The following PCLO variants were observed in gnomAD, a reference collection of about 807,000 sequenced individuals.
PCLO encodes the protein piccolo presynaptic cytomatrix protein.
Under a neutral mutation model 427.5 loss-of-function variants are expected in PCLO, and 82 were observed. That is an observed-to-expected ratio of 0.19 (90% confidence interval 0.16 to 0.23). PCLO has a LOEUF of 0.23. Ranked by LOEUF, PCLO falls within the 10% of genes least tolerant of loss-of-function variation. The pLI, the probability that PCLO is intolerant of heterozygous loss-of-function variation, is 1.00. For missense variants in PCLO, 6,239 were observed against 6,115.9 expected, an observed-to-expected ratio of 1.02 and a Z score of -0.67; for synonymous variants, 2,357 against 2,155.4, an observed-to-expected ratio of 1.09 and a Z score of -2.59.
At chr7:83,093,490 A>ATTTTT (rs1339244676) in intron 3 of PCLO, among the ~76,000 whole-genome samples, 25 of 66,000 alleles carry the variant, frequency 3.8e-4, no homozygotes, top group African/African-American at 8.9e-4. Flanking sequence ...ATATATATAT[A>ATTTTT]TATTTTTTTT....
At chr7:83,087,832 A>G (rs945606217) in intron 3 of PCLO, among the ~76,000 whole-genome samples, 2 of 152,216 alleles carry the variant, frequency 1.3e-5, no homozygotes, top group Non-Finnish European at 2.9e-5. Context: ...TAGTTTTGAC[A>G]TAATTCATAG....
intron 1 of PCLO, among the ~76,000 whole-genome samples, chr7:83,156,799 A>AT (rs1464276985): frequency 4.6e-5 from 7 of 152,032 alleles, no homozygotes; most frequent in Non-Finnish European, 7.4e-5. Context: ...CACAGAGTGT[A>AT]TTTTTTTCTT....
intron 24 of PCLO, among the ~76,000 whole-genome samples, chr7:82,758,959 T>G (rs1041714617): frequency 4.9e-4 from 74 of 151,906 alleles, no homozygotes; most frequent in African/African-American, 1.7e-3. Flanking sequence ...AGACACATTC[T>G]GAAGAATGTG....
intron 20 of PCLO, chr7:82,821,245 G>A (rs1209140368): frequency 2.0e-6 from 2 of 987,442 alleles, no homozygotes; most frequent in Non-Finnish European, 2.4e-6. Flanking sequence ...CTGCTATGCT[G>A]TGTCTGTGCT....
chr7:83,016,378 T>C (rs945815779), intron 3 of PCLO, among the ~76,000 whole-genome samples: 7 of 152,134 alleles, frequency 4.6e-5, no homozygotes, highest in African/African-American at 1.7e-4. Context: ...CATGTTAGGG[T>C]TATAACAAAG....
intron 22 of PCLO, among the ~76,000 whole-genome samples, chr7:82,767,793 T>C (rs1435253720): frequency 6.6e-6 from 1 of 152,124 alleles, no homozygotes; most frequent in Non-Finnish European, 1.5e-5. Context: ...GTTGATACAC[T>C]GATATATCCC....
Position 83,105,380 on chromosome 7 carries a change from G to A in PCLO, c.3300+28870C>T, listed in dbSNP as rs376222890. On this transcript the variant is annotated intron_variant, in intron 3 of 24. Coordinates refer to ENST00000333891, the MANE Select transcript of PCLO (RefSeq NM_033026.6). ...TAAGTCAAGTTTATGAAAAGATTTG[G>A]GATCATATCCCTGCGTATTAGCTAT... Among the ~76,000 whole-genome samples the A allele has an allele frequency of 6.6e-4, 100 of 152,158 alleles. 1 individual carries two copies. The Middle Eastern group carries it at 0.031, about 48-fold the overall frequency.
chr7:82,876,910 A>G (rs889105658), intron 10 of PCLO, among the ~76,000 whole-genome samples: 16 of 152,112 alleles, frequency 1.1e-4, no homozygotes, highest in African/African-American at 3.4e-4. Flanking sequence ...CTCACTTAAC[A>G]CCTTGGCAAA....
At chr7:82,981,511 T>C (rs918077923) in intron 3 of PCLO, among the ~76,000 whole-genome samples, 1 of 152,172 alleles carries the variant, frequency 6.6e-6, no homozygotes, top group Non-Finnish European at 1.5e-5. Flanking sequence ...GTAATGAGAC[T>C]AAATGACATA....
In PCLO at chr7:82,902,722, T is replaced by C. The variant is rs1434422854; in HGVS notation, c.13457A>G (p.Lys4486Arg). The C allele has an allele frequency of 1.3e-6, 2 of 1,592,826 alleles. No individual in the cohort carries two copies. Among genetic ancestry groups the C allele is most frequent in the South Asian group, 2.2e-5 (2 of 90,572 alleles). ...GTGAGGAAAGATGTAGTGCATAGTT[T>C]TCCCGTTCATCTGTATAATCTAAGA... ...HQEQIIQMNG[K>R]TMHYIFPHAR... is the part of the protein sequence containing the mutation. The change falls in exon 9 of 25, where the codon AAA becomes AGA. Residue 4486 changes from lysine to arginine, a missense_variant. Physicochemically the swap from Lys to Arg is conservative, Grantham distance 26. Around this residue, in one of 5 missense-constraint regions of PCLO, gnomAD observed 877 missense variants for 925.5 expected, o/e 0.95. Coordinates refer to ENST00000333891, the MANE Select transcript of PCLO (RefSeq NM_033026.6).
chr7:82,838,425 G>A, intron 14 of PCLO, 83 bp from the exon 15 acceptor site: 1 of 790,148 alleles, frequency 1.3e-6, no homozygotes. Context: ...TTTTTTTAAA[G>A]AAAATTCTTA....
intron 10 of PCLO, among the ~76,000 whole-genome samples, chr7:82,858,951 T>C (rs1792880294): frequency 6.6e-6 from 1 of 152,072 alleles, no homozygotes; most frequent in African/African-American, 2.4e-5. Context: ...TTCATAGAAA[T>C]AGAAAAAAAT....
intron 11 of PCLO, 119 bp from the exon 12 acceptor site, chr7:82,846,753 G>C: frequency 1.6e-6 from 1 of 630,842 alleles, no homozygotes; most frequent in East Asian, 2.8e-5. Flanking sequence ...ATGATATAAA[G>C]CAACTCCAAA....
chr7:83,152,518 C>A (rs1792164624), intron 2 of PCLO, among the ~76,000 whole-genome samples: 1 of 152,180 alleles, frequency 6.6e-6, no homozygotes, highest in Non-Finnish European at 1.5e-5. Context: ...AGGCTAAAAT[C>A]TGACTTCAAC....
chr7:82,828,192 A>T (rs200828625), intron 16 of PCLO, among the ~76,000 whole-genome samples: 1 of 144,370 alleles, frequency 6.9e-6, no homozygotes, highest in Non-Finnish European at 1.5e-5. Flanking sequence ...ATTTTTTTTT[A>T]AAGAAATGCT....
chr7:82,771,343 T>A (rs1790643591), intron 22 of PCLO, among the ~76,000 whole-genome samples: 1 of 151,964 alleles, frequency 6.6e-6, no homozygotes, highest in South Asian at 2.1e-4. Context: ...GTTAAGTTCT[T>A]TAGGTTCAAA....
intron 7 of PCLO, among the ~76,000 whole-genome samples, chr7:82,913,134 T>C (rs1476177190): frequency 6.6e-6 from 1 of 152,016 alleles, no homozygotes; most frequent in African/African-American, 2.4e-5. Context: ...AACCCACAAA[T>C]TGAGTATTTT....
chr7:82,978,833 GAAACACACACACACACACACAC>G (rs1796080625), intron 3 of PCLO, among the ~76,000 whole-genome samples: 2 of 120,718 alleles, frequency 1.7e-5, no homozygotes, highest in South Asian at 5.3e-4. Context: ...CCAGGAACAA[GAAACACACACACACACACACAC>G]AAACACACAC....
chr7:83,086,116 T>G (rs933449922), intron 3 of PCLO, among the ~76,000 whole-genome samples: 2 of 112,530 alleles, frequency 1.8e-5, no homozygotes, highest in African/African-American at 6.8e-5. Flanking sequence ...CCTTTTTTTT[T>G]CTTTTTTTTT....
Sources: gnomAD v4.1 joint callset for allele counts (sites outside exome capture counted in the v4.1 genomes callset) on GRCh38, gnomAD v4.1.1 for gene constraint, gnomAD v4.1.1 regional missense constraint, MANE v1.5 for transcripts, NCBI Gene and HGNC (gene_info 2026-07-23, HGNC 2026-07-21) for gene names.